The following FHAD1 variants were observed in gnomAD, a reference collection of about 807,000 sequenced individuals.
The protein encoded by FHAD1 is forkhead-associated domain-containing protein 1.
In FHAD1, 146 loss-of-function variants were observed where a neutral mutation model predicts 191.3. That is an observed-to-expected ratio of 0.76 (90% CI 0.67 to 0.88). The LOEUF (loss-of-function observed/expected upper bound fraction) is 0.88, where lower values mean the gene tolerates loss of function less well. FHAD1 is among the 40% of genes least tolerant of loss of function. FHAD1 has a pLI of 0.00. For missense variants in FHAD1, 1,635 were observed against 1,785.8 expected, an observed-to-expected ratio of 0.92 and a Z score of 1.52; for synonymous variants, 616 against 672.3, an observed-to-expected ratio of 0.92 and a Z score of 1.29.
upstream of FHAD1, among the ~76,000 whole-genome samples, chr1:15,246,942 G>GC (rs1019181116): frequency 6.6e-6 from 1 of 151,950 alleles, no homozygotes; most frequent in African/African-American, 2.4e-5. Flanking sequence ...TCTCCCTATC[G>GC]CCCCCGACCC....
chr1:15,396,052 G>A (rs926102857), intron 33 of FHAD1, among the ~76,000 whole-genome samples: 2 of 152,214 alleles, frequency 1.3e-5, no homozygotes, highest in Admixed American at 6.5e-5. Flanking sequence ...GCTCACACCT[G>A]TAATCCCAGC....
chr1:15,278,836 A>G (rs893976699), intron 3 of FHAD1, among the ~76,000 whole-genome samples: 3 of 152,218 alleles, frequency 2.0e-5, no homozygotes, highest in Non-Finnish European at 2.9e-5. Flanking sequence ...CATATATAGT[A>G]ATATAATCAT....
chr1:15,265,884 T>C (rs1485815882), intron 2 of FHAD1, among the ~76,000 whole-genome samples: 2 of 149,002 alleles, frequency 1.3e-5, no homozygotes, highest in Non-Finnish European at 3.0e-5. Context: ...GGCAGGAGAA[T>C]TGCTTGAACC....
intron 14 of FHAD1, among the ~76,000 whole-genome samples, chr1:15,333,742 C>T (rs74057308): frequency 1.3e-5 from 2 of 149,866 alleles, no homozygotes; most frequent in Admixed American, 6.6e-5. Context: ...GCACTGTGTT[C>T]GGTGTTTCAC....
In FHAD1 at chr1:15,358,125, G is replaced by A. The variant is rs780603567; in HGVS notation, c.2578G>A (p.Glu860Lys). 5.2e-5 allele frequency: 78 copies of A among 1,509,774 alleles called. 1 individual carries two copies. The South Asian group carries it at 7.5e-4, about 14-fold the overall frequency. The allele number at this position is 1,509,774 out of a possible 1,614,324, so 93.5% of individuals were successfully genotyped here. A position where few individuals can be genotyped will look rare whatever the true frequency, so the allele number is the denominator to read the frequency against. Residue 860 changes from glutamate (E) to lysine (K), a missense_variant, in exon 21 of 34, where the codon GAG becomes AAG. Glu to Lys is a moderately conservative substitution (Grantham distance 56, BLOSUM62 1). Transcript: ENST00000688493. The stretch of plus-strand genomic sequence containing the variant: ...TTTTGTCTAGGAATTAGAATTAAAA[G>A]AGCAAAAAGAGGACGTTTTAAATAA... ...TKQKEELELK[E>K]QKEDVLNNKL...
At chr1:15,315,485 C>CTTTTT (rs34261315) in intron 8 of FHAD1, among the ~76,000 whole-genome samples, 2 of 121,142 alleles carry the variant, frequency 1.7e-5, no homozygotes, top group Non-Finnish European at 3.3e-5. Context: ...TGGGTGTTTC[C>CTTTTT]TTTTTTTTTT....
At chr1:15,375,257 G>C (rs917886034) in intron 27 of FHAD1, among the ~76,000 whole-genome samples, 7 of 152,264 alleles carry the variant, frequency 4.6e-5, no homozygotes, top group Admixed American at 1.3e-4. Context: ...CCCTTTAGAG[G>C]GGGTAGAACT....
chr1:15,292,711 A>G (rs1665286989), intron 4 of FHAD1, among the ~76,000 whole-genome samples: 1 of 152,234 alleles, frequency 6.6e-6, no homozygotes, highest in South Asian at 2.1e-4. Context: ...GTGAGGACAC[A>G]GTGAGAAGGT....
chr1:15,389,315 G>A (rs777881867), intron 32 of FHAD1, among the ~76,000 whole-genome samples: 13 of 151,748 alleles, frequency 8.6e-5, no homozygotes, highest in East Asian at 1.9e-4. Context: ...CCATGGTGGC[G>A]TGCACCTGTA....
chr1:15,350,305 A>G (rs74057314), intron 19 of FHAD1, among the ~76,000 whole-genome samples: 2,395 of 152,330 alleles, frequency 0.016, 58 homozygotes, highest in African/African-American at 0.054. Flanking sequence ...CAGGGCCACA[A>G]GACCAAAGCT....
intron 6 of FHAD1, among the ~76,000 whole-genome samples, chr1:15,306,031 T>C (rs1376729398): frequency 6.6e-6 from 1 of 152,170 alleles, no homozygotes; most frequent in Non-Finnish European, 1.5e-5. Flanking sequence ...GTGGGAAAGT[T>C]TGGAACTTTC....
chr1:15,283,651 T>C (rs1278971058), intron 3 of FHAD1, among the ~76,000 whole-genome samples: 1 of 152,174 alleles, frequency 6.6e-6, no homozygotes, highest in Non-Finnish European at 1.5e-5. Flanking sequence ...GCCCCAGCTC[T>C]CCTCTGGCAC....
chr1:15,333,777 C>T (rs1682739427), intron 14 of FHAD1, among the ~76,000 whole-genome samples: 1 of 151,632 alleles, frequency 6.6e-6, no homozygotes, highest in Admixed American at 6.6e-5. Context: ...TTTATCCTCC[C>T]ACCTACCCAG....
Position 15,358,171 on chromosome 1 carries a change from C to G in FHAD1, c.2624C>G (p.Ala875Gly). 6.5e-7 allele frequency: 1 copy of G among 1,535,640 alleles called. No homozygotes were observed. Among genetic ancestry groups the G allele is most frequent in the Non-Finnish European group, 8.7e-7 (1 of 1,143,422 alleles). ...VLNNKLSDAL[A>G]MVEETQKTKA... ...AATAATAAATTAAGTGACGCACTGGCCATGGTTGAAGAGACTCAGAAAACA... is the reference window on the plus strand; with the variant it reads ...AATAATAAATTAAGTGACGCACTGGGCATGGTTGAAGAGACTCAGAAAACA... Residue 875 changes from alanine to glycine, a missense_variant, in exon 21 of 34, where the codon GCC (alanine) becomes GGC (glycine). Coordinates refer to ENST00000688493, the MANE Select transcript of FHAD1 (RefSeq NM_001391957.1).
At position 15,308,784 on chromosome 1, in the gene FHAD1, G is replaced by T. The variant is rs1262524702; in HGVS notation, c.1039+48G>T. 1.9e-6 allele frequency: 3 copies of T among 1,549,858 alleles called. No individual in the cohort carries two copies. The African/African-American group carries it at 4.1e-5, about 21-fold the overall frequency. ...GGGAGCTGCCACTCCCGCACCCGTT[G>T]TTCTTGGCCACAGCAGACATCACCA... On this transcript the variant is annotated intron_variant, in intron 7 of 33. Transcript: ENST00000688493.
At chr1:15,358,742 C>T (rs188745568) in intron 21 of FHAD1, among the ~76,000 whole-genome samples, 5 of 138,450 alleles carry the variant, frequency 3.6e-5, no homozygotes, top group Admixed American at 7.1e-5. Context: ...GCTCGGCATT[C>T]GAGGCCCTCC....
At position 15,294,303 on chromosome 1, in the gene FHAD1, G is replaced by A. The variant is rs74053884; in HGVS notation, c.569-2381G>A. Among the ~76,000 whole-genome samples, 1,140 of 152,276 alleles carry A rather than the reference G, an allele frequency of 7.5e-3. 14 individuals carry two copies. The highest frequency in any genetic ancestry group is 0.025 in the African/African-American group (1,053 of 41,556). ...GATTTGAAAAATTCTATTTGGAAAC[G>A]CAAAGCCAAGGACTTACTTATTCTA... On this transcript the variant is annotated intron_variant, in intron 4 of 33. Transcript: ENST00000688493.
intron 26 of FHAD1, among the ~76,000 whole-genome samples, chr1:15,372,948 A>C (rs1444305998): frequency 6.6e-6 from 1 of 152,188 alleles, no homozygotes; most frequent in Non-Finnish European, 1.5e-5. Context: ...AATCTATGAC[A>C]ACAGGGATGT....
chr1:15,320,932 T>C (rs1676039731), intron 10 of FHAD1, among the ~76,000 whole-genome samples: 1 of 152,196 alleles, frequency 6.6e-6, no homozygotes, highest in South Asian at 2.1e-4. Context: ...GGGTTTGTTT[T>C]GTTGTTGTTT....
Sources: gnomAD v4.1 joint callset for allele counts (sites outside exome capture counted in the v4.1 genomes callset) on GRCh38, gnomAD v4.1.1 for gene constraint, MANE v1.5 for transcripts, NCBI Gene and HGNC (gene_info 2026-07-23, HGNC 2026-07-21) for gene names.